GNG4: variants seen among roughly 807,000 people sequenced by gnomAD.
GNG4 encodes the protein G protein subunit gamma 4, also known as guanine nucleotide-binding protein G(I)/G(S)/G(O) subunit gamma-4.
Under a neutral mutation model 5.8 loss-of-function variants are expected in GNG4, and 4 were observed. The ratio of observed to expected loss-of-function variants is 0.69; its 90% CI spans 0.34 to 1.57. GNG4 has a LOEUF of 1.57. Among genes scored for constraint, GNG4 ranks in the 40% most tolerant of loss-of-function variants. The pLI is 0.06. For missense variants in GNG4, 96 were observed against 95.1 expected, an observed-to-expected ratio of 1.01 and a Z score of -0.04; for synonymous variants, 29 against 32.9, an observed-to-expected ratio of 0.88 and a Z score of 0.41.
chr1:235,639,063 T>C (rs1657230894), intron 1 of GNG4, among the ~76,000 whole-genome samples: 1 of 152,144 alleles, frequency 6.6e-6, no homozygotes, highest in South Asian at 2.1e-4. Flanking sequence ...CCCAGCAGCA[T>C]CCCCCACCTT....
At chr1:235,558,492 CAACA>C (rs905839085) in intron 3 of GNG4, among the ~76,000 whole-genome samples, 1 of 152,154 alleles carries the variant, frequency 6.6e-6, no homozygotes, top group African/African-American at 2.4e-5. Context: ...GGTGGCGTCC[CAACA>C]AATAGCTCAG....
chr1:235,641,727 A>C (rs1051037207), intron 1 of GNG4, among the ~76,000 whole-genome samples: 1 of 152,076 alleles, frequency 6.6e-6, no homozygotes, highest in African/African-American at 2.4e-5. Context: ...GACTCCATCA[A>C]CACTTTCACC....
intron 3 of GNG4, among the ~76,000 whole-genome samples, chr1:235,580,051 T>C (rs892124907): frequency 1.3e-5 from 2 of 152,188 alleles, no homozygotes; most frequent in African/African-American, 4.8e-5. Flanking sequence ...CAAAATGTGG[T>C]CTATCCATGC....
intron 1 of GNG4, among the ~76,000 whole-genome samples, chr1:235,603,367 C>T (rs1688295876): frequency 6.6e-6 from 1 of 152,090 alleles, no homozygotes; most frequent in African/African-American, 2.4e-5. Context: ...TCTATCTGTA[C>T]ACGTGGATGT....
At position 235,548,388 on chromosome 1, in the gene GNG4, G is replaced by GCCATCCCCAGGACC; in HGVS notation, c.*3720_*3721insGGTCCTGGGGATGG. On this transcript the variant is annotated 3_prime_UTR_variant, in exon 4 of 4. Coordinates refer to ENST00000391854, the MANE Select transcript of GNG4 (RefSeq NM_001098722.2). ...GGAGCAGAAATGACATTCCCAGGAC[G>GCCATCCCCAGGACC]CTGCCATCCCTGGACATTGCTACCA... 1 of 152,104 alleles carries GCCATCCCCAGGACC rather than the reference G, an allele frequency of 6.6e-6. No individual in the cohort carries two copies. The highest frequency in any genetic ancestry group is 6.5e-5 in the Admixed American group (1 of 15,290). 9.4% of individuals were successfully genotyped at this position (152,104 alleles called of 1,614,324 possible). A position where few individuals can be genotyped will look rare whatever the true frequency, so the allele number is the denominator to read the frequency against.
chr1:235,574,874 G>A (rs1263522354), intron 3 of GNG4, among the ~76,000 whole-genome samples: 1 of 152,066 alleles, frequency 6.6e-6, no homozygotes. Context: ...GCCCAGGTTG[G>A]AATGCAGTGG....
chr1:235,626,685 A>G (rs1688817525), intron 1 of GNG4, among the ~76,000 whole-genome samples: 1 of 152,144 alleles, frequency 6.6e-6, no homozygotes, highest in African/African-American at 2.4e-5. Flanking sequence ...CAGGCCGGGC[A>G]CGGTGGCTGA....
At chr1:235,605,954 G>GT (rs1488006292) in intron 1 of GNG4, among the ~76,000 whole-genome samples, 13 of 105,688 alleles carry the variant, frequency 1.2e-4, no homozygotes, top group Non-Finnish European at 2.0e-4. Context: ...GATTGAGAGT[G>GT]TGGGGGGGTG....
intron 1 of GNG4, among the ~76,000 whole-genome samples, chr1:235,600,744 C>T (rs1571907290): frequency 6.6e-6 from 1 of 152,324 alleles, no homozygotes; most frequent in East Asian, 1.9e-4. Flanking sequence ...TTTAATAGCA[C>T]TAAATTTTAC....
At chr1:235,589,981 C>T (rs75292448) in intron 2 of GNG4, among the ~76,000 whole-genome samples, 4,115 of 152,250 alleles carry the variant, frequency 0.027, 68 homozygotes, top group Non-Finnish European at 0.041. Flanking sequence ...GTCAGTAGAC[C>T]GCTCCCCTCC....
chr1:235,586,213 G>T (rs1298759191), intron 2 of GNG4, among the ~76,000 whole-genome samples: 1 of 152,156 alleles, frequency 6.6e-6, no homozygotes, highest in African/African-American at 2.4e-5. Flanking sequence ...GGAGAATCAC[G>T]ACAAGTTGGG....
chr1:235,636,005 T>G (rs79638163), intron 1 of GNG4, among the ~76,000 whole-genome samples: 2,727 of 152,264 alleles, frequency 0.018, 37 homozygotes, highest in Non-Finnish European at 0.028. Context: ...AACCAGTTAG[T>G]GTTTGAGAAC....
intron 2 of GNG4, among the ~76,000 whole-genome samples, chr1:235,592,477 C>A (rs761499690): frequency 6.6e-6 from 1 of 152,152 alleles, no homozygotes; most frequent in Non-Finnish European, 1.5e-5. Context: ...CCACTGCACT[C>A]CAGCCTGGGT....
At position 235,571,097 on chromosome 1, in the gene GNG4, G is replaced by C. The variant is rs957210637; in HGVS notation, c.99+12643C>G. On this transcript the variant is annotated intron_variant, in intron 3 of 3. Coordinates refer to ENST00000391854, the MANE Select transcript of GNG4 (RefSeq NM_001098722.2). ...ATTACAGGTGTGAGTCACTGTGCTG[G>C]CCTTAAAATATTCTACAATACTACA... 3.3e-5 allele frequency among the ~76,000 whole-genome samples: 5 copies of C among 151,540 alleles called. No individual in the cohort carries two copies. In the East Asian group the frequency reaches 9.7e-4, roughly 29 times the overall value.
Position 235,558,859 on chromosome 1 carries a change from T to A in GNG4, c.100-6622A>T, listed in dbSNP as rs796572635. 3.3e-5 allele frequency among the ~76,000 whole-genome samples: 5 copies of A among 152,338 alleles called. 1 individual carries two copies. Among genetic ancestry groups the A allele is most frequent in the African/African-American group, 7.2e-5 (3 of 41,588 alleles). ...ACTGTTAGAGTTACAAGACAACAGA[T>A]GTTGAAAAGAATTGGTAGCTTGGGA... On this transcript the variant is annotated intron_variant, in intron 3 of 3. Transcript: ENST00000391854.
rs2102992733 is a variant in GNG4, at chr1:235,648,083, G to A, written c.-123+1579C>T. Among the ~76,000 whole-genome samples, 1 of 151,986 alleles carries A rather than the reference G, an allele frequency of 6.6e-6. No homozygotes were observed. The highest frequency in any genetic ancestry group is 2.4e-5 in the African/African-American group (1 of 41,404). On this transcript the variant is annotated intron_variant, in intron 1 of 3. Coordinates refer to ENST00000391854, the MANE Select transcript of GNG4 (RefSeq NM_001098722.2). This position sits in a 1 kb window ranked among gnomAD's most constrained non-coding sequence, Gnocchi z 5.0. ...CATGAGAAACGCCAATCATAGGACT[G>A]CTGGGAATGGCCCCTTAGCTGTGCT...
intron 3 of GNG4, chr1:235,565,973 C>T (rs1687182725): frequency 6.6e-6 from 1 of 152,164 alleles, no homozygotes; most frequent in Admixed American, 6.6e-5. Flanking sequence ...TTGTCTGATA[C>T]CCAAATCTGA....
At chr1:235,575,166 G>A (rs1430597904) in intron 3 of GNG4, among the ~76,000 whole-genome samples, 2 of 152,040 alleles carry the variant, frequency 1.3e-5, no homozygotes, top group Admixed American at 1.3e-4. Context: ...CTGCACTATC[G>A]CACTCTAAAT....
chr1:235,625,952 A>T (rs2102979561), intron 1 of GNG4, among the ~76,000 whole-genome samples: 1 of 152,314 alleles, frequency 6.6e-6, no homozygotes, highest in Non-Finnish European at 1.5e-5. Flanking sequence ...AATTCCAAGG[A>T]GTGCAATTGC....
Sources: allele counts gnomAD v4.1 joint callset (sites outside exome capture counted in the v4.1 genomes callset), GRCh38; gene constraint gnomAD v4.1.1; non-coding constraint Gnocchi (gnomAD v3.1); transcripts MANE v1.5; gene names NCBI Gene and HGNC (gene_info 2026-07-23, HGNC 2026-07-21).